Variants in GLIS3 observed in about 807,000 individuals in gnomAD.
The protein encoded by GLIS3 is zinc finger protein GLIS3.
In GLIS3, 53 loss-of-function variants were observed where a neutral mutation model predicts 78.6. The ratio of observed to expected loss-of-function variants is 0.67; its 90% CI spans 0.54 to 0.85. The LOEUF is 0.85. GLIS3 is among the 40% of genes least tolerant of loss of function. The pLI is 0.00. For synonymous variants in GLIS3, 684 were observed against 509.9 expected, an observed-to-expected ratio of 1.34 and a Z score of -4.60; for missense variants, 1,703 against 1,231.1, an observed-to-expected ratio of 1.38 and a Z score of -5.74.
At chr9:4,002,791 T>C (rs909742030) in intron 4 of GLIS3, among the ~76,000 whole-genome samples, 1 of 152,186 alleles carries the variant, frequency 6.6e-6, no homozygotes, top group South Asian at 2.1e-4. Context: ...AGGAAAACTT[T>C]TGTTTCCCTG....
In GLIS3 at chr9:4,150,005, A is replaced by G. The variant is rs150838290; in HGVS notation, c.389-24064T>C. Among the ~76,000 whole-genome samples the G allele has an allele frequency of 3.8e-4, 58 of 152,334 alleles. No homozygotes were observed. In the East Asian group the frequency reaches 7.5e-3, roughly 20 times the overall value. Reference sequence around the variant, plus strand: ...GTTCATACGGATATATGTTAGGAATATAAGAACATAATGCACGTGCGGGTG... The same window carrying G: ...GTTCATACGGATATATGTTAGGAATGTAAGAACATAATGCACGTGCGGGTG... On this transcript the variant is annotated intron_variant, in intron 2 of 10. Coordinates refer to ENST00000381971, the MANE Select transcript of GLIS3 (RefSeq NM_001042413.2).
At chr9:4,216,147 C>T (rs557205948) in intron 2 of GLIS3, among the ~76,000 whole-genome samples, 71 of 151,930 alleles carry the variant, frequency 4.7e-4, no homozygotes, top group African/African-American at 1.7e-3. Context: ...GTTTTTATTC[C>T]TTAGTTCTAA....
At chr9:4,220,562 G>A (rs1054058143) in intron 2 of GLIS3, among the ~76,000 whole-genome samples, 4 of 152,024 alleles carry the variant, frequency 2.6e-5, no homozygotes, top group South Asian at 2.1e-4. Flanking sequence ...GCCTCACCAT[G>A]AGGCAACATC....
the GLIS3 span, among the ~76,000 whole-genome samples, chr9:4,388,186 T>G: frequency 6.6e-6 from 1 of 152,184 alleles, no homozygotes; most frequent in Non-Finnish European, 1.5e-5. Flanking sequence ...TACCCATAAG[T>G]GCACATAACA....
intron 4 of GLIS3, among the ~76,000 whole-genome samples, chr9:4,106,448 T>C (rs1247149113): frequency 1.3e-5 from 2 of 152,200 alleles, no homozygotes; most frequent in Non-Finnish European, 2.9e-5. Context: ...TGGTATTGCA[T>C]GATGTTTACA....
rs555696826 is a variant in GLIS3 at position 4,137,378 on chromosome 9, C to G, written c.389-11437G>C. 5.3e-5 allele frequency among the ~76,000 whole-genome samples: 8 copies of G among 152,368 alleles called. No individual in the cohort carries two copies. The South Asian group carries it at 1.2e-3, about 24-fold the overall frequency. ...AGAACATAACTTTCATACCAACATT[C>G]TTCCAACCTTAGTCAGCATTCAGGA... On this transcript the variant is annotated intron_variant, in intron 2 of 10. Transcript: ENST00000381971.
chr9:4,295,091 T>G (rs1816364842), intron 1 of GLIS3, among the ~76,000 whole-genome samples: 1 of 152,252 alleles, frequency 6.6e-6, no homozygotes, highest in Non-Finnish European at 1.5e-5. Flanking sequence ...AGGCATGTTA[T>G]TCTTGCCTTT....
At chr9:3,925,111 A>G (rs1008362375) in intron 6 of GLIS3, among the ~76,000 whole-genome samples, 3 of 152,224 alleles carry the variant, frequency 2.0e-5, no homozygotes, top group African/African-American at 4.8e-5. Flanking sequence ...CTACTTTGTT[A>G]CATTTGACAA....
chr9:4,178,449 G>C (rs73396455), intron 2 of GLIS3, among the ~76,000 whole-genome samples: 3,320 of 152,312 alleles, frequency 0.022, 133 homozygotes, highest in African/African-American at 0.076. Context: ...AGGAGGGGAA[G>C]GGAGGGACGA....
At chr9:4,374,678 G>C in the GLIS3 span, among the ~76,000 whole-genome samples, 1 of 152,358 alleles carries the variant, frequency 6.6e-6, no homozygotes, top group Non-Finnish European at 1.5e-5. Context: ...TGAGACCTAA[G>C]TTGGCAGCAA....
chr9:4,342,839 T>C (rs753448042), intron 2 of GLIS3, among the ~76,000 whole-genome samples: 1 of 152,196 alleles, frequency 6.6e-6, no homozygotes, highest in Non-Finnish European at 1.5e-5. Context: ...ATAGGTATTT[T>C]ATTTTGTGTG....
intron 4 of GLIS3, among the ~76,000 whole-genome samples, chr9:3,958,891 G>A (rs999827138): frequency 3.3e-5 from 5 of 152,196 alleles, no homozygotes; most frequent in African/African-American, 7.2e-5. Flanking sequence ...ACGTGCTGTC[G>A]GAGGAAGCCA....
intron 6 of GLIS3, among the ~76,000 whole-genome samples, chr9:3,917,290 G>A (rs767824694): frequency 1.3e-5 from 2 of 152,176 alleles, no homozygotes; most frequent in African/African-American, 4.8e-5. Flanking sequence ...GCAATACCAC[G>A]ACAGCATGTG....
At chr9:4,168,442 T>C (rs1320686671) in intron 2 of GLIS3, among the ~76,000 whole-genome samples, 1 of 152,162 alleles carries the variant, frequency 6.6e-6, no homozygotes, top group Non-Finnish European at 1.5e-5. Flanking sequence ...GTGTATCATA[T>C]GCAAAGAAAT....
intron 4 of GLIS3, among the ~76,000 whole-genome samples, chr9:3,960,278 C>T (rs932253122): frequency 6.6e-6 from 1 of 152,178 alleles, no homozygotes; most frequent in African/African-American, 2.4e-5. Context: ...ATCCTCTTCT[C>T]ACAGCCCTCA....
chr9:4,256,072 G>A (rs1013640843), intron 2 of GLIS3, among the ~76,000 whole-genome samples: 2 of 151,886 alleles, frequency 1.3e-5, no homozygotes, highest in African/African-American at 2.4e-5. Flanking sequence ...ACTTGCCCAA[G>A]CCCTTATTTA....
chr9:4,244,228 T>C (rs918105202), intron 2 of GLIS3, among the ~76,000 whole-genome samples: 14 of 152,218 alleles, frequency 9.2e-5, no homozygotes, highest in African/African-American at 3.1e-4. Context: ...GAATAGCTCA[T>C]GTCCTTCATT....
chr9:4,011,825 A>G (rs902186133), intron 4 of GLIS3, among the ~76,000 whole-genome samples: 1 of 152,144 alleles, frequency 6.6e-6, no homozygotes, highest in African/African-American at 2.4e-5. Context: ...AACTGGGCAT[A>G]TCTGCTCTTA....
intron 2 of GLIS3, among the ~76,000 whole-genome samples, chr9:4,182,208 T>C (rs1817390966): frequency 6.6e-6 from 1 of 152,206 alleles, no homozygotes; most frequent in African/African-American, 2.4e-5. Flanking sequence ...GCCATCTGGC[T>C]GAGTTCTGTA....
Sources: gnomAD v4.1 joint callset for allele counts (sites outside exome capture counted in the v4.1 genomes callset) on GRCh38, gnomAD v4.1.1 for gene constraint, MANE v1.5 for transcripts, NCBI Gene and HGNC (gene_info 2026-07-23, HGNC 2026-07-21) for gene names.